Variants in CNBD1 observed in about 807,000 individuals in gnomAD.
CNBD1 encodes cyclic nucleotide-binding domain-containing protein 1.
In CNBD1, 71 loss-of-function variants were observed where a neutral mutation model predicts 54.4. The ratio of observed to expected loss-of-function variants is 1.30; its 90% CI spans 1.08 to 1.59. The LOEUF is 1.59. CNBD1 is among the 40% of genes most tolerant of loss of function. CNBD1 has a pLI of 0.00. For missense variants in CNBD1, 659 were observed against 518.0 expected (o/e 1.27, Z -2.64); for synonymous variants, 182 against 170.7 (o/e 1.07, Z -0.51).
At chr8:87,428,238 C>A (rs578016521) in intron 2 of CNBD1, among the ~76,000 whole-genome samples, 4 of 151,942 alleles carry the variant, frequency 2.6e-5, no homozygotes, top group Admixed American at 2.6e-4. Flanking sequence ...AATCTGCCAG[C>A]GGATAAATGA....
At chr8:87,386,424 C>A (rs954667758), downstream of CNBD1, among the ~76,000 whole-genome samples, 5 of 152,028 alleles carry the variant, frequency 3.3e-5, no homozygotes, top group Non-Finnish European at 7.4e-5. Context: ...CTTAAAGGAC[C>A]TGATGGAGCT....
At position 87,382,637 on chromosome 8, in the gene CNBD1, C is replaced by A. The variant is rs776352352; in HGVS notation, c.*10C>A. On this transcript the variant is annotated 3_prime_UTR_variant, in exon 11 of 11. Coordinates refer to ENST00000518476, the MANE Select transcript of CNBD1 (RefSeq NM_173538.3). ...TTTTGCAGTGGCCTAGATCTAGAAA[C>A]AACCTCAGTGAACATTAATTAAGAA... The A allele has an allele frequency of 2.0e-6, 3 of 1,528,414 alleles. No individual in the cohort carries two copies. Among genetic ancestry groups the A allele is most frequent in the Middle Eastern group, 1.7e-4 (1 of 5,920 alleles). The allele number at this position is 1,528,414 out of a possible 1,614,324, so 94.7% of individuals were successfully genotyped here. A position where few individuals can be genotyped will look rare whatever the true frequency, so the allele number is the denominator to read the frequency against.
intron 2 of CNBD1, among the ~76,000 whole-genome samples, chr8:87,414,403 A>G (rs1312512582): frequency 2.0e-5 from 3 of 152,136 alleles, no homozygotes; most frequent in Non-Finnish European, 4.4e-5. Context: ...GGATAGCATT[A>G]GGAGATATAC....
At chr8:87,264,194 G>A (rs1003637282) in intron 6 of CNBD1, among the ~76,000 whole-genome samples, 2 of 150,294 alleles carry the variant, frequency 1.3e-5, no homozygotes, top group African/African-American at 4.9e-5. Context: ...TCCCCTTCCT[G>A]TGTCCATGTG....
intron 4 of CNBD1, among the ~76,000 whole-genome samples, chr8:86,968,244 T>G (rs983709120): frequency 1.8e-4 from 28 of 152,094 alleles, no homozygotes; most frequent in Non-Finnish European, 3.8e-4. Flanking sequence ...TTTTGTTTTG[T>G]TTTTTACCAC....
Position 87,237,113 on chromosome 8 carries a change from G to T in CNBD1, c.771+1G>T, listed in dbSNP as rs760362513. On this transcript the variant is annotated splice_donor_variant, in intron 6 of 10. Transcript: ENST00000518476. LOFTEE classifies it high-confidence loss of function. ...GTACCTACCTTCATATGACTCAATG[G>T]TAAGAGATGAGTATTTGCTTTTTCC... 6.3e-7 allele frequency: 1 copy of T among 1,581,218 alleles called. No homozygotes were observed. The highest frequency in any genetic ancestry group is 8.6e-7 in the Non-Finnish European group (1 of 1,159,066).
chr8:87,338,563 A>C (rs1434115916), intron 8 of CNBD1, among the ~76,000 whole-genome samples: 2 of 149,314 alleles, frequency 1.3e-5, no homozygotes, highest in African/African-American at 4.9e-5. Context: ...GTCAGATGTA[A>C]TTCTCCTCTA....
Position 87,381,943 on chromosome 8 carries a change from T to A in CNBD1, c.1304-677T>A, listed in dbSNP as rs72668641. ...CTGCTGTACAACATTCTACCTATAG[T>A]CAACAATATTGTATTGTACACTTAA... is the stretch of plus-strand genomic sequence containing the variant. On this transcript the variant is annotated intron_variant, in intron 10 of 10. Transcript: ENST00000518476. Among the ~76,000 whole-genome samples, 1,256 of 151,938 alleles carry A rather than the reference T, an allele frequency of 8.3e-3. 14 individuals are homozygous for A. The highest frequency in any genetic ancestry group is 0.013 in the Non-Finnish European group (891 of 67,900).
intron 8 of CNBD1, among the ~76,000 whole-genome samples, chr8:87,332,818 C>T (rs1809863466): frequency 6.6e-6 from 1 of 152,050 alleles, no homozygotes; most frequent in South Asian, 2.1e-4. Context: ...ATGCCTCCAG[C>T]TTTGTTCTTT....
chr8:87,045,724 CAAAAAA>C (rs58973406), intron 4 of CNBD1, among the ~76,000 whole-genome samples: 1 of 51,086 alleles, frequency 2.0e-5, no homozygotes, highest in African/African-American at 7.8e-5. Flanking sequence ...GACTCCGTCT[CAAAAAA>C]AAAAAAAAAA....
intron 8 of CNBD1, among the ~76,000 whole-genome samples, chr8:87,307,468 T>C (rs940202573): frequency 6.6e-6 from 1 of 152,218 alleles, no homozygotes; most frequent in African/African-American, 2.4e-5. Flanking sequence ...CTGCGTGCAC[T>C]GGCTCATGCC....
chr8:87,112,326 C>T (rs138821569), intron 4 of CNBD1, among the ~76,000 whole-genome samples: 21 of 152,270 alleles, frequency 1.4e-4, no homozygotes, highest in African/African-American at 5.1e-4. Context: ...TCCAGTTCCC[C>T]TATCTAATAA....
In CNBD1 at chr8:87,261,162, A is replaced by G. The variant is rs1202466209; in HGVS notation, c.772-23516A>G. ...TCCCGGACCCAGTCCAGTTTCTATC[A>G]TGACTTGCAAACCCAGTTTGGATGA... On this transcript the variant is annotated intron_variant, in intron 6 of 10. Transcript: ENST00000518476. 3.3e-5 allele frequency among the ~76,000 whole-genome samples: 5 copies of G among 152,126 alleles called. No individual in the cohort carries two copies. In the East Asian group the frequency reaches 7.7e-4, roughly 24 times the overall value.
chr8:86,942,949 A>G (rs1302558665), intron 4 of CNBD1, among the ~76,000 whole-genome samples: 1 of 152,206 alleles, frequency 6.6e-6, no homozygotes, highest in Non-Finnish European at 1.5e-5. Flanking sequence ...TAATTAAACC[A>G]TGATCAGATT....
Position 87,376,269 on chromosome 8 carries a change from G to C in CNBD1, c.1304-6351G>C, listed in dbSNP as rs75586680. 1.3e-3 allele frequency among the ~76,000 whole-genome samples: 193 copies of C among 151,900 alleles called. 1 individual carries two copies. The highest frequency in any genetic ancestry group is 5.2e-3 in the South Asian group (25 of 4,822). The stretch of plus-strand genomic sequence containing the variant: ...AAGTCCCTGGCTGATCTGGTGTCTG[G>C]TGAGGGTACATTCCTGGTTTGCAAA... On this transcript the variant is annotated intron_variant, in intron 10 of 10. Coordinates refer to ENST00000518476, the MANE Select transcript of CNBD1 (RefSeq NM_173538.3).
At chr8:87,390,502 A>C (rs1341949202) in intron 2 of CNBD1, among the ~76,000 whole-genome samples, 1 of 152,214 alleles carries the variant, frequency 6.6e-6, no homozygotes, top group Non-Finnish European at 1.5e-5. Context: ...GCTCATCATC[A>C]CTGGCCATCA....
chr8:87,076,009 A>G (rs189912893), intron 4 of CNBD1, among the ~76,000 whole-genome samples: 106 of 152,294 alleles, frequency 7.0e-4, no homozygotes, highest in African/African-American at 2.4e-3. Context: ...ACTAAAGAAA[A>G]ATATTATACA....
chr8:87,414,304 T>C (rs1245853804), intron 2 of CNBD1, among the ~76,000 whole-genome samples: 3 of 151,928 alleles, frequency 2.0e-5, no homozygotes, highest in Admixed American at 6.6e-5. Flanking sequence ...TTCTCACTCA[T>C]AGGTGGGAAT....
At chr8:87,409,980 G>C (rs1420213978) in intron 2 of CNBD1, among the ~76,000 whole-genome samples, 1 of 151,742 alleles carries the variant, frequency 6.6e-6, no homozygotes, top group Non-Finnish European at 1.5e-5. Context: ...CCGAGATAGT[G>C]CCACTGCACT....
Sources: gnomAD v4.1 joint callset for allele counts (sites outside exome capture counted in the v4.1 genomes callset) on GRCh38, gnomAD v4.1.1 for gene constraint, MANE v1.5 for transcripts, NCBI Gene and HGNC (gene_info 2026-07-23, HGNC 2026-07-21) for gene names.